UNC13C: variants seen among roughly 807,000 people sequenced by gnomAD.
The protein encoded by UNC13C is protein unc-13 homolog C.
In UNC13C, 174 loss-of-function variants were observed where a neutral mutation model predicts 245.4. That is an observed-to-expected ratio of 0.71 (90% confidence interval 0.63 to 0.80). The LOEUF (loss-of-function observed/expected upper bound fraction) is 0.80, where lower values mean the gene tolerates loss of function less well. Among genes scored for constraint, UNC13C ranks in the 30% least tolerant of loss-of-function variants. UNC13C has a pLI of 0.00. For missense variants in UNC13C, 2,829 were observed against 2,602.9 expected (o/e 1.09, Z -1.89); for synonymous variants, 992 against 895.1 (o/e 1.11, Z -1.93).
At chr15:54,160,603 A>G (rs922135428) in intron 4 of UNC13C, among the ~76,000 whole-genome samples, 7 of 152,070 alleles carry the variant, frequency 4.6e-5, no homozygotes, top group Middle Eastern at 3.2e-3. Context: ...GATGTCTGGA[A>G]TAAAGTTCTT....
intron 4 of UNC13C, among the ~76,000 whole-genome samples, chr15:54,181,535 T>C (rs530355913): frequency 2.6e-5 from 4 of 152,128 alleles, no homozygotes; most frequent in African/African-American, 9.6e-5. Context: ...TGGGACCCTT[T>C]TTTGGTTCCA....
the UNC13C span, among the ~76,000 whole-genome samples, chr15:53,943,305 C>T: frequency 6.6e-6 from 1 of 152,172 alleles, no homozygotes; most frequent in Non-Finnish European, 1.5e-5. Context: ...ATCACATTCT[C>T]TTGTCACAAT....
the UNC13C span, among the ~76,000 whole-genome samples, chr15:53,877,571 G>C: frequency 6.8e-6 from 1 of 147,992 alleles, no homozygotes; most frequent in Non-Finnish European, 1.5e-5. Context: ...TGTGGATACA[G>C]AGAGAGAGAG....
At chr15:54,451,082 A>G (rs780280704) in intron 19 of UNC13C, among the ~76,000 whole-genome samples, 4 of 152,008 alleles carry the variant, frequency 2.6e-5, no homozygotes, top group African/African-American at 9.7e-5. Flanking sequence ...GTAAGCTTCT[A>G]CGTGTTATTT....
intron 22 of UNC13C, 128 bp downstream of exon 22, chr15:54,501,106 T>G: frequency 1.1e-6 from 1 of 907,286 alleles, no homozygotes; most frequent in Non-Finnish European, 1.6e-6. Flanking sequence ...ACTAGTAAAT[T>G]CAGTTGTTTC....
At chr15:54,260,449 G>C (rs2140883378) in intron 8 of UNC13C, among the ~76,000 whole-genome samples, 1 of 151,756 alleles carries the variant, frequency 6.6e-6, no homozygotes, top group African/African-American at 2.4e-5. Context: ...TGGAAGAGCT[G>C]TTGAGAAAAA....
At chr15:54,138,652 G>T (rs1316124112) in intron 2 of UNC13C, among the ~76,000 whole-genome samples, 1 of 152,030 alleles carries the variant, frequency 6.6e-6, no homozygotes, top group Non-Finnish European at 1.5e-5. Context: ...TTTTTTGGTA[G>T]TAAATAATGA....
intron 4 of UNC13C, among the ~76,000 whole-genome samples, chr15:54,204,499 A>G (rs1486809917): frequency 6.6e-6 from 1 of 151,998 alleles, no homozygotes; most frequent in Admixed American, 6.6e-5. Flanking sequence ...GATATTTACC[A>G]TGTTTATAGA....
chr15:54,062,781 T>C (rs1008597327), intron 2 of UNC13C, among the ~76,000 whole-genome samples: 1 of 152,196 alleles, frequency 6.6e-6, no homozygotes, highest in African/African-American at 2.4e-5. Flanking sequence ...GCCCTTCAGG[T>C]GATCCTGATC....
chr15:54,300,210 A>C lies in UNC13C; in HGVS notation c.4105A>C (p.Asn1369His). ...YHIQYTCLHE[N>H]LFHYLTEVKS... ...ACAATTAAAAACCACTTGCTTTTAG[A>C]ATCTGTTCCATTACTTGACTGAAGT... The change falls in exon 13 of 33, where the codon AAT becomes CAT. Residue 1369 changes from asparagine (N) to histidine (H), a missense_variant and splice_region_variant. By Grantham distance (68) the Asn-to-His change is moderately conservative. Transcript: ENST00000260323. 1 of 1,597,166 alleles carries C rather than the reference A, an allele frequency of 6.3e-7. No homozygotes were observed. The highest frequency in any genetic ancestry group is 8.5e-7 in the Non-Finnish European group (1 of 1,171,056).
chr15:53,892,988 T>C, the UNC13C span, among the ~76,000 whole-genome samples: 1 of 152,160 alleles, frequency 6.6e-6, no homozygotes, highest in African/African-American at 2.4e-5. Flanking sequence ...TTTGAGCTGT[T>C]TCCCCCCATC....
At chr15:53,949,803 C>T in the UNC13C span, among the ~76,000 whole-genome samples, 2 of 152,116 alleles carry the variant, frequency 1.3e-5, no homozygotes, top group Non-Finnish European at 2.9e-5. Flanking sequence ...ACTTTATAGT[C>T]CTCAAGATTC....
chr15:54,070,626 G>A (rs116072432), intron 2 of UNC13C, among the ~76,000 whole-genome samples: 2,020 of 152,076 alleles, frequency 0.013, 43 homozygotes, highest in African/African-American at 0.046. Context: ...GTTCTGTTTT[G>A]TATCAAATTT....
chr15:54,493,406 C>A (rs1893809973), intron 19 of UNC13C, among the ~76,000 whole-genome samples: 1 of 152,074 alleles, frequency 6.6e-6, no homozygotes, highest in South Asian at 2.1e-4. Flanking sequence ...TCTCCTCTCT[C>A]TCTCTTTCTG....
At chr15:54,456,993 C>T (rs1257283699) in intron 19 of UNC13C, among the ~76,000 whole-genome samples, 1 of 152,064 alleles carries the variant, frequency 6.6e-6, no homozygotes, top group Admixed American at 6.6e-5. Flanking sequence ...TTTCCATGTT[C>T]AGTATAATGT....
chr15:54,201,028 A>G (rs1379550821), intron 4 of UNC13C, among the ~76,000 whole-genome samples: 2 of 152,074 alleles, frequency 1.3e-5, no homozygotes, highest in Admixed American at 6.6e-5. Flanking sequence ...CAAGGCTACA[A>G]TGAACACCTT....
At chr15:54,196,827 G>A (rs146799600) in intron 4 of UNC13C, among the ~76,000 whole-genome samples, 39 of 152,148 alleles carry the variant, frequency 2.6e-4, no homozygotes, top group African/African-American at 8.7e-4. Flanking sequence ...ATCTTAACCC[G>A]ATGAACTTAT....
At chr15:54,270,926 G>A (rs1284972038) in intron 10 of UNC13C, among the ~76,000 whole-genome samples, 1 of 151,986 alleles carries the variant, frequency 6.6e-6, no homozygotes, top group Non-Finnish European at 1.5e-5. Context: ...ACCTAAACAA[G>A]GCAAGCAATC....
intron 4 of UNC13C, among the ~76,000 whole-genome samples, chr15:54,209,941 T>A (rs1057480570): frequency 6.6e-6 from 1 of 152,008 alleles, no homozygotes; most frequent in African/African-American, 2.4e-5. Context: ...ATATTTTATT[T>A]AAGGTGTGTG....
Sources: allele counts gnomAD v4.1 joint callset (sites outside exome capture counted in the v4.1 genomes callset), GRCh38; gene constraint gnomAD v4.1.1; transcripts MANE v1.5; gene names NCBI Gene and HGNC (gene_info 2026-07-23, HGNC 2026-07-21).